NFAT5: variants seen among roughly 807,000 people sequenced by gnomAD.
The protein encoded by NFAT5 is nuclear factor of activated T-cells 5.
A neutral mutation model predicts 166.5 loss-of-function variants in NFAT5; 31 were observed. That is an observed-to-expected ratio of 0.19 (90% CI 0.14 to 0.25). The LOEUF is 0.25. Among genes scored for constraint, NFAT5 ranks in the 10% least tolerant of loss-of-function variants. The probability of loss-of-function intolerance (pLI) is 1.00; values close to 1 mark genes in which losing one functional copy is unlikely to be tolerated. For missense variants in NFAT5, 1,449 were observed against 1,821.8 expected, an observed-to-expected ratio of 0.80 and a Z score of 3.72; for synonymous variants, 612 against 639.7, an observed-to-expected ratio of 0.96 and a Z score of 0.65.
At chr16:69,695,838 G>A (rs2037748579) in intron 14 of NFAT5, among the ~76,000 whole-genome samples, 1 of 152,148 alleles carries the variant, frequency 6.6e-6, no homozygotes, top group Non-Finnish European at 1.5e-5. Context: ...ATAGTCAAAA[G>A]TCAGGCTCAC....
chr16:69,703,962 G>C lies in NFAT5; in HGVS notation c.*7611G>C, dbSNP rs994959875. 1 of 152,234 alleles carries C rather than the reference G, an allele frequency of 6.6e-6. No homozygotes were observed. The highest frequency in any genetic ancestry group is 2.4e-5 in the African/African-American group (1 of 41,372). The allele number at this position is 152,234 out of a possible 1,614,324, so 9.4% of individuals were successfully genotyped here. A position where few individuals can be genotyped will look rare whatever the true frequency, so the allele number is the denominator to read the frequency against. ...TTGCCTGGTTTGAAATATTTTGTAG[G>C]GATTGCTTATTATATTATTTTAGCT... is the stretch of plus-strand genomic sequence containing the variant. On this transcript the variant is annotated 3_prime_UTR_variant, in exon 15 of 15. Transcript: ENST00000349945.
At position 69,699,331 on chromosome 16, in the gene NFAT5, G is replaced by C. The variant is rs966007764; in HGVS notation, c.*2980G>C. The C allele has an allele frequency of 9.8e-5, 15 of 152,758 alleles. No homozygotes were observed. The highest frequency in any genetic ancestry group is 1.5e-5 in the Non-Finnish European group (1 of 68,030). 9.5% of individuals were successfully genotyped at this position (152,758 alleles called of 1,614,324 possible). ...CAATTTTCTGTTTTATAATATCTAA[G>C]TTTAGAACAGAATATATACCTGAAC... is the stretch of plus-strand genomic sequence containing the variant. On this transcript the variant is annotated 3_prime_UTR_variant, in exon 15 of 15. Coordinates refer to ENST00000349945, the MANE Select transcript of NFAT5 (RefSeq NM_138713.4).
intron 2 of NFAT5, among the ~76,000 whole-genome samples, chr16:69,606,964 T>C (rs3848278): frequency 0.55 from 83,042 of 151,986 alleles, 24,161 homozygotes; most frequent in East Asian, 0.82. Context: ...AGAAATAATG[T>C]CCGTGGAATA....
At chr16:69,665,264 A>C (rs931742381) in intron 7 of NFAT5, among the ~76,000 whole-genome samples, 16 of 150,746 alleles carry the variant, frequency 1.1e-4, no homozygotes, top group Admixed American at 6.7e-5. Context: ...GGCACAAGAC[A>C]GGGATGCCCT....
chr16:69,609,043 C>A (rs1325470878), intron 2 of NFAT5, among the ~76,000 whole-genome samples: 1 of 151,258 alleles, frequency 6.6e-6, no homozygotes, highest in Non-Finnish European at 1.5e-5. Flanking sequence ...ATAGTGTGAA[C>A]CCAGGAGGCA....
At chr16:69,644,612 CTGTT>C (rs370086591) in intron 3 of NFAT5, among the ~76,000 whole-genome samples, 27 of 152,292 alleles carry the variant, frequency 1.8e-4, no homozygotes, top group African/African-American at 6.3e-4. Flanking sequence ...TTATGTCTGA[CTGTT>C]AAATCAGTTG....
chr16:69,678,739 G>A (rs1338336261), intron 10 of NFAT5, among the ~76,000 whole-genome samples: 1 of 152,124 alleles, frequency 6.6e-6, no homozygotes, highest in African/African-American at 2.4e-5. Flanking sequence ...TTCAGAATTA[G>A]CAGTTCTTCT....
intron 9 of NFAT5, 42 bp from the exon 10 acceptor site, chr16:69,677,161 G>A (rs751972053): frequency 3.2e-6 from 5 of 1,562,616 alleles, no homozygotes; most frequent in African/African-American, 1.4e-5. Context: ...TTAAATTTAA[G>A]TATTGCTTCT....
Position 69,645,190 on chromosome 16 carries a change from G to A in NFAT5, c.254-1838G>A, listed in dbSNP as rs1165668280. On this transcript the variant is annotated intron_variant, in intron 3 of 14. Transcript: ENST00000349945. ...TCACTGACAGTAGCATATAGATTTC[G>A]TAGTTTTTACAAACTTTTAAAAATA... 2.0e-5 allele frequency among the ~76,000 whole-genome samples: 3 copies of A among 152,236 alleles called. No homozygotes were observed. In the South Asian group the frequency reaches 6.2e-4, roughly 32 times the overall value.
chr16:69,565,986 G>A lies in NFAT5; in HGVS notation c.-316G>A. On this transcript the variant is annotated 5_prime_UTR_variant, in exon 1 of 15. Transcript: ENST00000349945. ...GGCTCAGATTCCTGTCAGCGGCGGC[G>A]GCGGTGGCGGCGACCGTCAGTTTTC... The A allele has an allele frequency of 6.5e-6, 2 of 309,598 alleles. No individual in the cohort carries two copies. The highest frequency in any genetic ancestry group is 7.6e-5 in the South Asian group (2 of 26,488). 19.2% of individuals were successfully genotyped at this position (309,598 alleles called of 1,614,324 possible).
chr16:69,573,174 G>A (rs1231244527), intron 2 of NFAT5, among the ~76,000 whole-genome samples: 6 of 152,050 alleles, frequency 3.9e-5, no homozygotes, highest in Admixed American at 2.6e-4. Context: ...ATTTAAGACC[G>A]GAAGATTTTT....
intron 2 of NFAT5, among the ~76,000 whole-genome samples, chr16:69,618,098 C>T (rs1372839706): frequency 1.4e-5 from 2 of 145,506 alleles, no homozygotes; most frequent in East Asian, 2.2e-4. Flanking sequence ...GTGGAGGTTG[C>T]GGTGAGCTGA....
At chr16:69,681,609 G>C (rs562091287) in intron 10 of NFAT5, among the ~76,000 whole-genome samples, 1 of 152,050 alleles carries the variant, frequency 6.6e-6, no homozygotes, top group African/African-American at 2.4e-5. Context: ...CAAAATCTAG[G>C]ATAGTTGTAC....
At chr16:69,632,351 C>CT (rs2034756656) in intron 3 of NFAT5, 1 of 152,200 alleles carries the variant, frequency 6.6e-6, no homozygotes, top group East Asian at 1.9e-4. Flanking sequence ...AAGTATCTCT[C>CT]TTTTTTCTTT....
chr16:69,698,575 A>G lies in NFAT5; in HGVS notation c.*2224A>G, dbSNP rs2037835800. ...TGACCTGTTCATCTGTGGCCATTCC[A>G]TCAGGCAGTTAGTTCCTTGATGTCA... is the stretch of plus-strand genomic sequence containing the variant. On this transcript the variant is annotated 3_prime_UTR_variant, in exon 15 of 15. Transcript: ENST00000349945. The G allele has an allele frequency of 6.6e-6, 1 of 152,448 alleles. No individual in the cohort carries two copies. Among genetic ancestry groups the G allele is most frequent in the South Asian group, 2.1e-4 (1 of 4,822 alleles). The allele number at this position is 152,448 out of a possible 1,614,324, so 9.4% of individuals were successfully genotyped here.
At chr16:69,683,399 G>T (rs2037152317) in intron 10 of NFAT5, among the ~76,000 whole-genome samples, 1 of 152,092 alleles carries the variant, frequency 6.6e-6, no homozygotes, top group Non-Finnish European at 1.5e-5. Context: ...TGGCGTGGTG[G>T]CGTGTGCCTG....
At chr16:69,603,601 A>G (rs1399134332) in intron 2 of NFAT5, among the ~76,000 whole-genome samples, 1 of 152,048 alleles carries the variant, frequency 6.6e-6, no homozygotes. Flanking sequence ...AAAATACAAA[A>G]ATTAGCCGGG....
chr16:69,606,049 A>G (rs1027712566), intron 2 of NFAT5, among the ~76,000 whole-genome samples: 6 of 152,062 alleles, frequency 3.9e-5, no homozygotes, highest in Admixed American at 2.6e-4. Flanking sequence ...TTGGTACTGT[A>G]TCCTTTTACC....
At chr16:69,588,858 T>C (rs2032268089) in intron 2 of NFAT5, among the ~76,000 whole-genome samples, 1 of 152,036 alleles carries the variant, frequency 6.6e-6, no homozygotes, top group Admixed American at 6.5e-5. Flanking sequence ...GGGAAGTTTA[T>C]GAAGAAAAGA....
Sources: allele counts gnomAD v4.1 joint callset (sites outside exome capture counted in the v4.1 genomes callset), GRCh38; gene constraint gnomAD v4.1.1; transcripts MANE v1.5; gene names NCBI Gene and HGNC (gene_info 2026-07-23, HGNC 2026-07-21).